EML5: variants seen among roughly 807,000 people sequenced by gnomAD.
EML5 encodes the protein EMAP like 5, also known as echinoderm microtubule-associated protein-like 5.
In EML5, 120 loss-of-function variants were observed where a neutral mutation model predicts 250.0. The observed-to-expected ratio is 0.48, with a 90% CI of 0.41 to 0.56. EML5 has a LOEUF of 0.56. Among genes scored for constraint, EML5 ranks in the 20% least tolerant of loss-of-function variants. The pLI, the probability that EML5 is intolerant of heterozygous loss-of-function variation, is 0.00. For missense variants in EML5, 2,006 were observed against 2,437.6 expected (o/e 0.82, Z 3.73); for synonymous variants, 771 against 806.5 (o/e 0.96, Z 0.75).
chr14:88,737,287 C>G (rs1336291341), intron 6 of EML5, among the ~76,000 whole-genome samples: 1 of 152,226 alleles, frequency 6.6e-6, no homozygotes. Flanking sequence ...TTTGGGGCTT[C>G]AGGGCCGCTA....
intron 1 of EML5, among the ~76,000 whole-genome samples, chr14:88,772,689 G>A (rs2094406096): frequency 6.6e-6 from 1 of 151,872 alleles, no homozygotes; most frequent in South Asian, 2.1e-4. Flanking sequence ...GGAGGCGGAG[G>A]TTGCAGTGAG....
At chr14:88,731,791 GT>G (rs1163819107) in intron 7 of EML5, among the ~76,000 whole-genome samples, 1 of 152,104 alleles carries the variant, frequency 6.6e-6, no homozygotes, top group Non-Finnish European at 1.5e-5. Flanking sequence ...CCTCATTGTG[GT>G]TTTGATTTGC....
rs1353646118 is a variant in EML5, at chr14:88,614,483, A to AATCTTC, written c.*1329_*1334dup. ...TTAGACACAGAAAATAGGTATTAAGAATCTTCATATATCCTGTCAGACCAA... is the reference window on the plus strand; with the variant it reads ...TTAGACACAGAAAATAGGTATTAAGAATCTTCATCTTCATATATCCTGTCAGACCAA... On this transcript the variant is annotated 3_prime_UTR_variant, in exon 44 of 44. Transcript: ENST00000554922. 1 of 152,212 alleles carries AATCTTC rather than the reference A, an allele frequency of 6.6e-6. No homozygotes were observed. Among genetic ancestry groups the AATCTTC allele is most frequent in the Non-Finnish European group, 1.5e-5 (1 of 68,036 alleles). 9.4% of individuals were successfully genotyped at this position (152,212 alleles called of 1,614,324 possible).
intron 34 of EML5, 127 bp from the exon 35 acceptor site, chr14:88,627,173 C>T: frequency 1.2e-6 from 1 of 825,984 alleles, no homozygotes; most frequent in South Asian, 1.6e-5. Context: ...GGCCCCTGCT[C>T]TACTACCTAG....
intron 8 of EML5, among the ~76,000 whole-genome samples, chr14:88,725,171 T>G (rs958346190): frequency 2.0e-4 from 30 of 152,258 alleles, no homozygotes; most frequent in African/African-American, 7.0e-4. Context: ...AATGGGATTA[T>G]TTTTTACAGG....
chr14:88,683,643 G>C (rs1420954993), intron 20 of EML5, among the ~76,000 whole-genome samples: 1 of 152,072 alleles, frequency 6.6e-6, no homozygotes, highest in Non-Finnish European at 1.5e-5. Flanking sequence ...AACCAAGTGG[G>C]ATTTATCCCA....
chr14:88,712,502 C>G lies in EML5; in HGVS notation c.1445-19G>C. On this transcript the variant is annotated intron_variant, in intron 9 of 43. Transcript: ENST00000554922. ...TTTCCTCCTAAAAATAAATCAGAGT[C>G]TTAATTTAAAAAGTTATTTCATTTG... 6.3e-7 allele frequency: 1 copy of G among 1,579,670 alleles called. No individual in the cohort carries two copies. The highest frequency in any genetic ancestry group is 8.7e-7 in the Non-Finnish European group (1 of 1,154,698).
intron 37 of EML5, chr14:88,621,969 C>T (rs192200214): frequency 2.3e-6 from 1 of 437,664 alleles, no homozygotes; most frequent in East Asian, 7.0e-5. Flanking sequence ...AATACTAAAA[C>T]ATACTATTCC....
In EML5 at chr14:88,736,226, C is replaced by T. The variant is rs543184576; in HGVS notation, c.1049+138G>A. The T allele has an allele frequency of 1.1e-5, 10 of 894,450 alleles. No individual in the cohort carries two copies. In the South Asian group the frequency reaches 1.3e-4, roughly 12 times the overall value. The allele number at this position is 894,450 out of a possible 1,614,324, so 55.4% of individuals were successfully genotyped here. On this transcript the variant is annotated intron_variant, in intron 7 of 43. Transcript: ENST00000554922. The stretch of plus-strand genomic sequence containing the variant: ...ATGTTGGCCAGGATGGTCTCAATCC[C>T]TTGACCTTGTGATCTGCCCGCCTTG...
At position 88,792,200 on chromosome 14, in the gene EML5, G is replaced by A; in HGVS notation, c.197+107C>T. 7.5e-7 allele frequency: 1 copy of A among 1,336,178 alleles called. No individual in the cohort carries two copies. The highest frequency in any genetic ancestry group is 2.5e-5 in the Admixed American group (1 of 40,288). 82.8% of individuals were successfully genotyped at this position (1,336,178 alleles called of 1,614,324 possible). ...AGAGAGACAGCTGCGGATTCCCCTCGGGGTGATGCTCCGTGCAGGAGCGGT... is the reference window on the plus strand; with the variant it reads ...AGAGAGACAGCTGCGGATTCCCCTCAGGGTGATGCTCCGTGCAGGAGCGGT... On this transcript the variant is annotated intron_variant, in intron 1 of 43. Transcript: ENST00000554922. This position sits in a 1 kb window ranked among gnomAD's most constrained non-coding sequence, Gnocchi z 6.9.
intron 1 of EML5, among the ~76,000 whole-genome samples, chr14:88,760,853 T>A (rs1025362644): frequency 2.0e-5 from 3 of 152,206 alleles, no homozygotes; most frequent in African/African-American, 7.2e-5. Context: ...TAGTTTTTAG[T>A]ATATAACATA....
At chr14:88,661,626 A>G (rs1421394079) in intron 25 of EML5, 28 bp downstream of exon 25, 1 of 1,589,670 alleles carries the variant, frequency 6.3e-7, no homozygotes, top group Admixed American at 1.7e-5. Context: ...ATTGATGATC[A>G]TTAGGAAAGT....
In EML5 at chr14:88,648,797, C is replaced by T. The variant is rs574258512; in HGVS notation, c.4019+1115G>A. Among the ~76,000 whole-genome samples the T allele has an allele frequency of 2.0e-5, 3 of 152,208 alleles. No homozygotes were observed. In the South Asian group the frequency reaches 6.2e-4, roughly 32 times the overall value. ...AGCTATTCTAGATGTGAGGCTAGAT[C>T]CGGGTGCTTTATTTCTGGTAAAATA... is the stretch of plus-strand genomic sequence containing the variant. On this transcript the variant is annotated intron_variant, in intron 28 of 43. Transcript: ENST00000554922.
chr14:88,682,092 T>C, intron 20 of EML5, 61 bp from the exon 21 acceptor site: 3 of 1,405,232 alleles, frequency 2.1e-6, no homozygotes, highest in Non-Finnish European at 2.8e-6. Context: ...CACAGTTTTA[T>C]TTAGAATAAA....
chr14:88,675,651 T>C (rs939231565), intron 21 of EML5, among the ~76,000 whole-genome samples: 1 of 152,202 alleles, frequency 6.6e-6, no homozygotes, highest in Non-Finnish European at 1.5e-5. Flanking sequence ...CAGCTCCTCA[T>C]TATTTATGCA....
At chr14:88,621,792 T>C in intron 37 of EML5, 1 of 368,242 alleles carries the variant, frequency 2.7e-6, no homozygotes, top group Admixed American at 3.4e-5. Flanking sequence ...TATTTTGAAA[T>C]TGACACATAA....
At chr14:88,624,773 G>GC (rs2089662129) in intron 36 of EML5, 197 bp downstream of exon 36, 1 of 613,344 alleles carries the variant, frequency 1.6e-6, no homozygotes, top group Non-Finnish European at 2.7e-6. Context: ...ACCCCAACAT[G>GC]AAAAAAATTG....
intron 2 of EML5, among the ~76,000 whole-genome samples, chr14:88,749,918 C>T (rs982800656): frequency 1.1e-4 from 17 of 152,120 alleles, no homozygotes; most frequent in Non-Finnish European, 4.4e-5. Flanking sequence ...GTGAAAAGTA[C>T]TGGTTTAGAG....
At chr14:88,642,355 C>T (rs2091109571) in intron 31 of EML5, among the ~76,000 whole-genome samples, 1 of 152,164 alleles carries the variant, frequency 6.6e-6, no homozygotes, top group Non-Finnish European at 1.5e-5. Context: ...ATAACCCAAT[C>T]AGTTAAATGA....
Sources: allele counts gnomAD v4.1 joint callset (sites outside exome capture counted in the v4.1 genomes callset), GRCh38; gene constraint gnomAD v4.1.1; non-coding constraint Gnocchi (gnomAD v3.1); transcripts MANE v1.5; gene names NCBI Gene and HGNC (gene_info 2026-07-23, HGNC 2026-07-21).